The following MCF2L variants were observed in gnomAD, a reference collection of about 807,000 sequenced individuals.
MCF2L encodes the protein guanine nucleotide exchange factor DBS.
In MCF2L, 97 loss-of-function variants were observed where a neutral mutation model predicts 153.4. The observed-to-expected ratio is 0.63, with a 90% CI of 0.54 to 0.75. The LOEUF is 0.75. Among genes scored for constraint, MCF2L ranks in the 30% least tolerant of loss-of-function variants. The pLI is 0.00. For synonymous variants in MCF2L, 659 were observed against 632.2 expected (o/e 1.04, Z -0.64); for missense variants, 1,347 against 1,495.2 (o/e 0.90, Z 1.64).
chr13:113,010,368 A>G (rs1420016430), intron 1 of MCF2L: 6 of 152,210 alleles, frequency 3.9e-5, no homozygotes, highest in Admixed American at 3.3e-4. Flanking sequence ...TTGTTGGAAC[A>G]AAGAGATCTA....
chr13:113,048,924 A>C (rs1302410855), intron 4 of MCF2L, among the ~76,000 whole-genome samples: 6 of 152,310 alleles, frequency 3.9e-5, no homozygotes, highest in Non-Finnish European at 7.4e-5. Context: ...GGGAGCAGCC[A>C]GGAGGGTGGC....
chr13:112,972,713 ATGGATGAC>A (rs1014993232), intron 1 of MCF2L, among the ~76,000 whole-genome samples: 13 of 36,742 alleles, frequency 3.5e-4, no homozygotes, highest in Non-Finnish European at 4.9e-4. Context: ...GTATGGATGG[ATGGATGAC>A]TGGATGACTG....
intron 2 of MCF2L, among the ~76,000 whole-genome samples, chr13:112,959,254 A>G (rs950895526): frequency 6.6e-6 from 1 of 151,104 alleles, no homozygotes; most frequent in East Asian, 2.0e-4. Context: ...CTCCCTCACC[A>G]CCCCCCGTCC....
Position 112,902,128 on chromosome 13 carries a change from G to C in MCF2L, c.-4-71G>C, listed in dbSNP as rs753576973. ...GGTTGTAACTAGTTATTTCGGTTTTGTTCAGAGCAACAGTTCTTAAGTCTT... is the reference window on the plus strand; with the variant it reads ...GGTTGTAACTAGTTATTTCGGTTTTCTTCAGAGCAACAGTTCTTAAGTCTT... On this transcript the variant is annotated intron_variant, in intron 1 of 29. Transcript: ENST00000375608. The C allele has an allele frequency of 3.8e-6, 5 of 1,299,672 alleles. No individual in the cohort carries two copies. In the Admixed American group the frequency reaches 6.0e-5, roughly 16 times the overall value. 80.5% of individuals were successfully genotyped at this position (1,299,672 alleles called of 1,614,324 possible). A position where few individuals can be genotyped will look rare whatever the true frequency, so the allele number is the denominator to read the frequency against.
intron 15 of MCF2L, among the ~76,000 whole-genome samples, chr13:113,080,357 A>G (rs1311511930): frequency 1.3e-5 from 2 of 152,126 alleles, no homozygotes; most frequent in Non-Finnish European, 2.9e-5. Context: ...CTCGGCCCTG[A>G]GACGCAGAAG....
intron 2 of MCF2L, among the ~76,000 whole-genome samples, chr13:112,934,056 G>A: frequency 6.6e-6 from 1 of 152,204 alleles, no homozygotes; most frequent in East Asian, 1.9e-4. Flanking sequence ...TGCTCACTGG[G>A]TTCCTGGCTT....
intron 1 of MCF2L, among the ~76,000 whole-genome samples, chr13:112,998,226 A>C (rs1290803891): frequency 6.6e-6 from 1 of 152,256 alleles, no homozygotes; most frequent in Non-Finnish European, 1.5e-5. Context: ...ATAAAGCACG[A>C]AGTCTCCTCA....
At chr13:113,011,680 G>T in intron 1 of MCF2L, among the ~76,000 whole-genome samples, 1 of 143,432 alleles carries the variant, frequency 7.0e-6, no homozygotes, top group South Asian at 2.6e-4. Flanking sequence ...GCAGACGGTG[G>T]ACAGGCGGTG....
Position 112,993,638 on chromosome 13 carries a change from C to T in MCF2L, c.80-21125C>T, listed in dbSNP as rs550756174. Among the ~76,000 whole-genome samples the T allele has an allele frequency of 1.2e-4, 18 of 151,954 alleles. No individual in the cohort carries two copies. Among genetic ancestry groups the T allele is most frequent in the African/African-American group, 4.1e-4 (17 of 41,432 alleles). On this transcript the variant is annotated intron_variant, in intron 1 of 29. Transcript: ENST00000535094. The surrounding 1 kb of genome is among the most constrained non-coding windows in gnomAD (Gnocchi z 4.6). ...AGGGATGTTTCTTGGAGAGAGGGAG[C>T]GAGAAGTCATCGTCAATGGCCCCAC...
chr13:113,036,702 C>CTTT (rs1045325386), intron 3 of MCF2L, among the ~76,000 whole-genome samples: 13 of 152,232 alleles, frequency 8.5e-5, no homozygotes, highest in African/African-American at 3.1e-4. Flanking sequence ...TCGCGCCTTT[C>CTTT]TTCAGGTGTC....
chr13:113,096,737 C>T (rs1297581285), intron 29 of MCF2L, 37 bp from the exon 30 acceptor site: 6 of 1,554,070 alleles, frequency 3.9e-6, no homozygotes, highest in East Asian at 2.4e-5. Context: ...CCGGCAGAGC[C>T]GACGCCGAAG....
chr13:112,945,405 T>G (rs2081627485), intron 2 of MCF2L, among the ~76,000 whole-genome samples: 1 of 152,260 alleles, frequency 6.6e-6, no homozygotes, highest in Non-Finnish European at 1.5e-5. Flanking sequence ...GGACTCCCTG[T>G]ACTTTCTGCC....
In MCF2L at chr13:113,045,112, G is replaced by T. The variant is rs1594809609; in HGVS notation, c.279-159G>T. 1.1e-6 allele frequency: 1 copy of T among 906,974 alleles called. No individual in the cohort carries two copies. Among genetic ancestry groups the T allele is most frequent in the Non-Finnish European group, 1.7e-6 (1 of 579,286 alleles). The allele number at this position is 906,974 out of a possible 1,614,324, so 56.2% of individuals were successfully genotyped here. On this transcript the variant is annotated intron_variant, in intron 3 of 29. Coordinates refer to ENST00000535094, the MANE Select transcript of MCF2L (RefSeq NM_001112732.3). The surrounding 1 kb of genome is among the most constrained non-coding windows in gnomAD (Gnocchi z 4.2). ...CAGGTTCTGGGACTGCGGGGATGGGGCTGCCGGGGCCCCCGTGTGCCATGC... is the reference window on the plus strand; with the variant it reads ...CAGGTTCTGGGACTGCGGGGATGGGTCTGCCGGGGCCCCCGTGTGCCATGC...
chr13:113,018,718 T>C (rs568845770), intron 2 of MCF2L, among the ~76,000 whole-genome samples: 24 of 152,260 alleles, frequency 1.6e-4, no homozygotes, highest in Non-Finnish European at 3.2e-4. Context: ...GAACTTATGA[T>C]CTGAAGTGAA....
chr13:112,897,174 T>C (rs1467781202), intron 1 of MCF2L, among the ~76,000 whole-genome samples: 1 of 152,142 alleles, frequency 6.6e-6, no homozygotes, highest in African/African-American at 2.4e-5. Flanking sequence ...CAACCCCCGC[T>C]TTGGGAAAGC....
chr13:113,030,518 G>A (rs1444719678), intron 3 of MCF2L, among the ~76,000 whole-genome samples: 1 of 147,774 alleles, frequency 6.8e-6, no homozygotes, highest in African/African-American at 2.5e-5. Flanking sequence ...GGTGTCCGCT[G>A]ATGCAGGTGT....
At chr13:113,039,521 A>G (rs1241353870) in intron 3 of MCF2L, among the ~76,000 whole-genome samples, 1 of 152,250 alleles carries the variant, frequency 6.6e-6, no homozygotes, top group African/African-American at 2.4e-5. Context: ...CCATGAAGAG[A>G]TCGACACGGA....
chr13:113,078,525 G>A, intron 14 of MCF2L, 89 bp downstream of exon 14: 1 of 1,383,646 alleles, frequency 7.2e-7, no homozygotes, highest in Non-Finnish European at 1.0e-6. Context: ...CCCCTCCCGG[G>A]CACTGCCCAG....
chr13:113,071,638 A>T (rs1448086243), intron 9 of MCF2L, among the ~76,000 whole-genome samples: 1 of 152,142 alleles, frequency 6.6e-6, no homozygotes, highest in South Asian at 2.1e-4. Context: ...CCTTTCTTCC[A>T]CTGGATTTCT....
Sources: gnomAD v4.1 joint callset for allele counts (sites outside exome capture counted in the v4.1 genomes callset) on GRCh38, gnomAD v4.1.1 for gene constraint, Gnocchi (gnomAD v3.1) non-coding constraint, MANE v1.5 for transcripts, NCBI Gene and HGNC (gene_info 2026-07-23, HGNC 2026-07-21) for gene names.